CLIP2: variants seen among roughly 807,000 people sequenced by gnomAD.
CLIP2 encodes CAP-Gly domain containing linker protein 2.
A neutral mutation model predicts 111.7 loss-of-function variants in CLIP2; 41 were observed. That is an observed-to-expected ratio of 0.37 (90% CI 0.29 to 0.48). The LOEUF (loss-of-function observed/expected upper bound fraction) is 0.48. Ranked by LOEUF, CLIP2 falls within the 20% of genes least tolerant of loss-of-function variation. CLIP2 has a pLI of 0.99. For synonymous variants in CLIP2, 660 were observed against 644.2 expected, an observed-to-expected ratio of 1.02 and a Z score of -0.37; for missense variants, 1,160 against 1,422.1, an observed-to-expected ratio of 0.82 and a Z score of 2.96.
intron 2 of CLIP2, among the ~76,000 whole-genome samples, chr7:74,332,448 G>A (rs922808471): frequency 1.6e-4 from 23 of 146,100 alleles, no homozygotes; most frequent in Non-Finnish European, 2.7e-4. Context: ...CCTCACTGCA[G>A]CCTAGAATTC....
intron 12 of CLIP2, among the ~76,000 whole-genome samples, chr7:74,387,953 C>T (rs920178327): frequency 5.3e-5 from 8 of 152,032 alleles, no homozygotes; most frequent in Admixed American, 3.9e-4. Flanking sequence ...TTTGGGAGGC[C>T]GAGGAGGGAG....
intron 15 of CLIP2, among the ~76,000 whole-genome samples, chr7:74,400,760 C>G (rs548078126): frequency 3.3e-5 from 5 of 152,072 alleles, no homozygotes; most frequent in Non-Finnish European, 2.9e-5. Flanking sequence ...GTCCTGGGAA[C>G]CCCAGTCTGA....
chr7:74,345,352 A>C (rs1047736324), intron 3 of CLIP2, among the ~76,000 whole-genome samples: 8 of 151,946 alleles, frequency 5.3e-5, no homozygotes, highest in African/African-American at 1.9e-4. Flanking sequence ...CTCGTGCCTC[A>C]GCCTTCCAAG....
At chr7:74,391,482 T>C (rs1477033218) in intron 13 of CLIP2, among the ~76,000 whole-genome samples, 1 of 152,140 alleles carries the variant, frequency 6.6e-6, no homozygotes, top group Non-Finnish European at 1.5e-5. Flanking sequence ...ACATGGTTTG[T>C]GTGGTCCCTC....
At chr7:74,325,668 C>T (rs1554730600) in intron 2 of CLIP2, among the ~76,000 whole-genome samples, 1 of 151,760 alleles carries the variant, frequency 6.6e-6, no homozygotes, top group Non-Finnish European at 1.5e-5. Flanking sequence ...CTCGTCTCTA[C>T]TAAAAATACA....
chr7:74,397,057 G>A lies in CLIP2; in HGVS notation c.2721-17G>A. 1.2e-6 allele frequency: 2 copies of A among 1,611,946 alleles called. No individual in the cohort carries two copies. The highest frequency in any genetic ancestry group is 1.7e-6 in the Non-Finnish European group (2 of 1,179,010). Reference sequence around the variant, plus strand: ...CCAGGGCTGAGTGCAGTGGTTCTGTGCCCGCCTCACCCCCAGGAGCCTGAA... The same window carrying A: ...CCAGGGCTGAGTGCAGTGGTTCTGTACCCGCCTCACCCCCAGGAGCCTGAA... On this transcript the variant is annotated splice_polypyrimidine_tract_variant and intron_variant, in intron 13 of 16. Coordinates refer to ENST00000223398, the MANE Select transcript of CLIP2 (RefSeq NM_003388.5).
At chr7:74,368,696 C>T (rs112829740) in intron 8 of CLIP2, among the ~76,000 whole-genome samples, 3 of 152,102 alleles carry the variant, frequency 2.0e-5, no homozygotes, top group African/African-American at 7.2e-5. Context: ...CCTCCAAAGT[C>T]CATTCTCCAC....
chr7:74,358,095 A>C (rs1471894707), intron 6 of CLIP2, among the ~76,000 whole-genome samples: 3 of 143,526 alleles, frequency 2.1e-5, no homozygotes, highest in Non-Finnish European at 3.0e-5. Context: ...TCTGTTCCCC[A>C]GGCTGGAGGG....
intron 3 of CLIP2, among the ~76,000 whole-genome samples, chr7:74,340,755 G>C (rs1554305217): frequency 6.6e-6 from 1 of 152,120 alleles, no homozygotes; most frequent in Non-Finnish European, 1.5e-5. Flanking sequence ...GACTCATAGG[G>C]TACAGGGAAG....
rs1554312963 is a variant in CLIP2, at chr7:74,376,643, G to A, written c.2242G>A (p.Ala748Thr). The A allele has an allele frequency of 1.2e-6, 2 of 1,613,454 alleles. No homozygotes were observed. The highest frequency in any genetic ancestry group is 2.2e-5 in the East Asian group (1 of 44,850). The stretch of plus-strand genomic sequence containing the variant: ...CGTGGAGTACCGGGGCCAGGCGCAG[G>A]CTATCGAGTTCCTCAAGGAGCAGAT... ...LDVEYRGQAQAIEFLKEQISL... is the reference protein window; with the variant it reads ...LDVEYRGQAQTIEFLKEQISL... The change falls in exon 10 of 17, where the codon GCT becomes ACT. Residue 748 changes from alanine (A) to threonine (T), a missense_variant. Around this residue, in one of 5 missense-constraint regions of CLIP2, gnomAD observed 676 missense variants for 777.8 expected, o/e 0.87. Transcript: ENST00000223398. The surrounding 1 kb of genome is among the most constrained non-coding windows in gnomAD (Gnocchi z 7.1).
chr7:74,390,022 G>A (rs1277347466), intron 13 of CLIP2, among the ~76,000 whole-genome samples: 3 of 148,664 alleles, frequency 2.0e-5, no homozygotes, highest in African/African-American at 7.4e-5. Flanking sequence ...CCAGGAGTTC[G>A]AGGCTGCAGT....
At chr7:74,347,477 C>T (rs1372533725) in intron 3 of CLIP2, among the ~76,000 whole-genome samples, 1 of 152,218 alleles carries the variant, frequency 6.6e-6, no homozygotes. Context: ...ACTGTGTTGG[C>T]CAGGCTGGTC....
intron 6 of CLIP2, among the ~76,000 whole-genome samples, chr7:74,359,027 C>T (rs901514996): frequency 9.3e-5 from 14 of 150,744 alleles, no homozygotes; most frequent in Non-Finnish European, 2.1e-4. Context: ...TGCAGTAACA[C>T]GATCTTGGCT....
At chr7:74,310,219 T>C (rs1310976763) in intron 1 of CLIP2, among the ~76,000 whole-genome samples, 1 of 146,930 alleles carries the variant, frequency 6.8e-6, no homozygotes, top group African/African-American at 2.5e-5. Context: ...CAGAGACCTG[T>C]CTCTGTTCTA....
chr7:74,391,445 A>T (rs1382963067), intron 13 of CLIP2, among the ~76,000 whole-genome samples: 1 of 152,190 alleles, frequency 6.6e-6, no homozygotes, highest in Admixed American at 6.6e-5. Flanking sequence ...ACACTTTAGC[A>T]TCCAATGAGC....
At chr7:74,295,562 T>C (rs529531888) in intron 1 of CLIP2, among the ~76,000 whole-genome samples, 1 of 152,312 alleles carries the variant, frequency 6.6e-6, no homozygotes, top group South Asian at 2.1e-4. Context: ...TTTGTTTCTT[T>C]ACTTTGCTCA....
At chr7:74,358,534 G>A (rs1045805461) in intron 6 of CLIP2, among the ~76,000 whole-genome samples, 2 of 151,216 alleles carry the variant, frequency 1.3e-5, no homozygotes, top group African/African-American at 4.9e-5. Flanking sequence ...TATACTGCAA[G>A]CATTTTCTAG....
chr7:74,404,076 G>T lies in CLIP2; in HGVS notation c.*228G>T, dbSNP rs1006640191. The stretch of plus-strand genomic sequence containing the variant: ...AGAGAGTGTGAACGGTACAGCCCCG[G>T]CCTGACCCGGGGACCTTCAGCCTGG... On this transcript the variant is annotated 3_prime_UTR_variant, in exon 17 of 17. Transcript: ENST00000223398. The T allele has an allele frequency of 3.7e-6, 2 of 540,958 alleles. No individual in the cohort carries two copies. Among genetic ancestry groups the T allele is most frequent in the South Asian group, 2.0e-5 (1 of 49,846 alleles). The allele number at this position is 540,958 out of a possible 1,614,324, so 33.5% of individuals were successfully genotyped here. A position where few individuals can be genotyped will look rare whatever the true frequency, so the allele number is the denominator to read the frequency against.
At chr7:74,371,432 G>A (rs1335304572) in intron 8 of CLIP2, among the ~76,000 whole-genome samples, 3 of 151,548 alleles carry the variant, frequency 2.0e-5, no homozygotes, top group Non-Finnish European at 4.4e-5. Flanking sequence ...ACGGGGATAG[G>A]GGTGGCTGGG....
Sources: gnomAD v4.1 joint callset for allele counts (sites outside exome capture counted in the v4.1 genomes callset) on GRCh38, gnomAD v4.1.1 for gene constraint, gnomAD v4.1.1 regional missense constraint, Gnocchi (gnomAD v3.1) non-coding constraint, MANE v1.5 for transcripts, NCBI Gene and HGNC (gene_info 2026-07-23, HGNC 2026-07-21) for gene names.